The following MDFIC variants were observed in gnomAD, a reference collection of about 807,000 sequenced individuals.
The protein encoded by MDFIC is myoD family inhibitor domain-containing protein.
A neutral mutation model predicts 23.2 loss-of-function variants in MDFIC; 17 were observed. The ratio of observed to expected loss-of-function variants is 0.73; its 90% CI spans 0.50 to 1.10. The LOEUF (loss-of-function observed/expected upper bound fraction) is 1.10. MDFIC is among the 50% of genes least tolerant of loss of function. The pLI, the probability that MDFIC is intolerant of heterozygous loss-of-function variation, is 0.00. For missense variants in MDFIC, 356 were observed against 316.6 expected (o/e 1.12, Z -0.95); for synonymous variants, 120 against 115.2 (o/e 1.04, Z -0.27).
chr7:114,967,184 G>T (rs1161520179), intron 3 of MDFIC, among the ~76,000 whole-genome samples: 1 of 152,174 alleles, frequency 6.6e-6, no homozygotes, highest in Non-Finnish European at 1.5e-5. Flanking sequence ...ATGCACAAAA[G>T]TCAGGTGAAA....
intron 4 of MDFIC, among the ~76,000 whole-genome samples, chr7:115,000,596 C>T (rs766824553): frequency 3.9e-5 from 6 of 152,078 alleles, no homozygotes; most frequent in African/African-American, 7.2e-5. Flanking sequence ...TTTCATAATG[C>T]AGAGAACACA....
At chr7:114,987,971 C>T (rs1793542762) in intron 4 of MDFIC, among the ~76,000 whole-genome samples, 1 of 152,078 alleles carries the variant, frequency 6.6e-6, no homozygotes. Context: ...AACTATTTTA[C>T]AAGGTTCTGA....
intron 4 of MDFIC, among the ~76,000 whole-genome samples, chr7:114,999,700 A>G (rs1791420531): frequency 6.6e-6 from 1 of 152,052 alleles, no homozygotes; most frequent in Admixed American, 6.6e-5. Flanking sequence ...AGGTGGTTTA[A>G]GTTGAATATA....
At chr7:114,951,462 G>A (rs1792768427) in intron 3 of MDFIC, among the ~76,000 whole-genome samples, 3 of 152,112 alleles carry the variant, frequency 2.0e-5, no homozygotes, top group Admixed American at 2.0e-4. Flanking sequence ...ACATATGTCA[G>A]TGTCTGTGTA....
intron 2 of MDFIC, among the ~76,000 whole-genome samples, chr7:114,931,072 CCT>C (rs200957078): frequency 6.6e-6 from 1 of 151,118 alleles, no homozygotes. Context: ...TTTCCTCCTC[CCT>C]CTCTCTCTCT....
chr7:114,972,878 A>G (rs1793235609), intron 3 of MDFIC, among the ~76,000 whole-genome samples: 1 of 152,214 alleles, frequency 6.6e-6, no homozygotes, highest in East Asian at 1.9e-4. Flanking sequence ...TCAGCCTCTC[A>G]AAGTGCTAGG....
intron 4 of MDFIC, among the ~76,000 whole-genome samples, chr7:115,004,833 C>G (rs903297394): frequency 2.6e-5 from 4 of 152,126 alleles, no homozygotes; most frequent in Admixed American, 2.6e-4. Context: ...ACAGTTTACA[C>G]TTTGACCATT....
At chr7:114,987,167 T>G (rs1383025435) in intron 4 of MDFIC, among the ~76,000 whole-genome samples, 1 of 152,210 alleles carries the variant, frequency 6.6e-6, no homozygotes, top group Non-Finnish European at 1.5e-5. Context: ...GTTTTCTCAC[T>G]ATTCCGTATG....
chr7:114,957,891 T>C (rs1216056699), intron 3 of MDFIC, among the ~76,000 whole-genome samples: 1 of 152,188 alleles, frequency 6.6e-6, no homozygotes, highest in African/African-American at 2.4e-5. Flanking sequence ...TTATGGTCAA[T>C]AAGCCAATAA....
intron 3 of MDFIC, among the ~76,000 whole-genome samples, chr7:114,976,309 A>C (rs1793308623): frequency 6.6e-6 from 1 of 152,160 alleles, no homozygotes; most frequent in South Asian, 2.1e-4. Context: ...TGCTTGAATT[A>C]TTCTTTCCAG....
Position 114,922,130 on chromosome 7 carries a change from G to C in MDFIC, c.-614G>C, listed in dbSNP as rs1792090862. Reference sequence around the variant, plus strand: ...TTTCCCAGCCCCGGGAGGGCGCAGCGCCCGGGTGGGGAGCCCGAGCCAGCC... The same window carrying C: ...TTTCCCAGCCCCGGGAGGGCGCAGCCCCCGGGTGGGGAGCCCGAGCCAGCC... On this transcript the variant is annotated 5_prime_UTR_variant, in exon 1 of 5. Transcript: ENST00000393486. 1 of 322,946 alleles carries C rather than the reference G, an allele frequency of 3.1e-6. No individual in the cohort carries two copies. 20.0% of individuals were successfully genotyped at this position (322,946 alleles called of 1,614,324 possible). A position where few individuals can be genotyped will look rare whatever the true frequency, so the allele number is the denominator to read the frequency against.
chr7:114,937,321 T>A (rs1317508067), intron 2 of MDFIC, among the ~76,000 whole-genome samples: 1 of 152,214 alleles, frequency 6.6e-6, no homozygotes, highest in Admixed American at 6.5e-5. Flanking sequence ...ATTGATCATT[T>A]GGAACCTTTA....
At chr7:114,933,945 A>G (rs750237954) in intron 2 of MDFIC, 2 of 152,182 alleles carry the variant, frequency 1.3e-5, no homozygotes, top group Non-Finnish European at 2.9e-5. Flanking sequence ...AAGTGGAATA[A>G]GCTATTTTCT....
At chr7:114,975,113 T>C (rs10242273) in intron 3 of MDFIC, among the ~76,000 whole-genome samples, 149,781 of 152,016 alleles carry the variant, frequency 0.99, 73,830 homozygotes, top group East Asian at 1. Flanking sequence ...TAGAAGCACC[T>C]ATCCTGTTTA....
At chr7:114,952,253 G>C (rs1792792698) in intron 3 of MDFIC, among the ~76,000 whole-genome samples, 3 of 152,202 alleles carry the variant, frequency 2.0e-5, no homozygotes. Context: ...GCTCCGGAAG[G>C]CAGTGGTTCT....
chr7:115,008,311 T>C (rs1334243736), intron 4 of MDFIC, among the ~76,000 whole-genome samples: 13 of 151,538 alleles, frequency 8.6e-5, no homozygotes, highest in Admixed American at 2.6e-4. Flanking sequence ...TTTTTTTTTT[T>C]CCTAGGTTCT....
At chr7:114,934,753 T>A (rs1169293149) in intron 2 of MDFIC, among the ~76,000 whole-genome samples, 1 of 152,236 alleles carries the variant, frequency 6.6e-6, no homozygotes, top group Non-Finnish European at 1.5e-5. Flanking sequence ...TATAACTTCC[T>A]TGTGTTTGCA....
chr7:114,923,402 A>G (rs964069737), intron 2 of MDFIC: 1 of 1,468,518 alleles, frequency 6.8e-7, no homozygotes, highest in Non-Finnish European at 9.2e-7. Context: ...TTTCTTAAGC[A>G]TATGCATGTT....
chr7:114,935,913 T>C (rs535283739), intron 2 of MDFIC, among the ~76,000 whole-genome samples: 1 of 152,264 alleles, frequency 6.6e-6, no homozygotes, highest in South Asian at 2.1e-4. Flanking sequence ...CCAGCCTCCT[T>C]ATGATTTATT....
Sources: allele counts gnomAD v4.1 joint callset (sites outside exome capture counted in the v4.1 genomes callset), GRCh38; gene constraint gnomAD v4.1.1; transcripts MANE v1.5; gene names NCBI Gene and HGNC (gene_info 2026-07-23, HGNC 2026-07-21).